Variants in ATG4D observed in about 807,000 individuals in gnomAD.
The protein encoded by ATG4D is cysteine protease ATG4D.
A neutral mutation model predicts 55.2 loss-of-function variants in ATG4D; 51 were observed. That is an observed-to-expected ratio of 0.92 (90% CI 0.74 to 1.17). ATG4D has a LOEUF of 1.17. ATG4D is among the 50% of genes most tolerant of loss of function. ATG4D has a pLI of 0.00. For synonymous variants in ATG4D, 268 were observed against 266.2 expected (o/e 1.01, Z -0.07); for missense variants, 635 against 649.6 (o/e 0.98, Z 0.25).
rs1174063699 is a variant in ATG4D, at chr19:10,552,911, G to A, written c.1269G>A (p.Glu423=). 1.2e-6 allele frequency: 2 copies of A among 1,612,712 alleles called. No individual in the cohort carries two copies. The highest frequency in any genetic ancestry group is 2.2e-5 in the East Asian group (1 of 44,862). Residue 423 remains glutamate, a synonymous_variant, in exon 10 of 10, where the codon GAG becomes GAA. Transcript: ENST00000309469. ...TRVLSSSSAT[E]RYPMFTLAEG... ...TCCTCAGCTCCTCCTCAGCCACAGA[G>A]CGGTACCCCATGTTCACCCTGGCCG...
intron 5 of ATG4D, 76 bp from the exon 6 acceptor site, chr19:10,548,828 G>A: frequency 6.4e-7 from 1 of 1,555,970 alleles, no homozygotes. Flanking sequence ...TTGAGGTTGA[G>A]CCCCTGGGGT....
Position 10,553,065 on chromosome 19 carries a change from T to C in ATG4D, c.1423T>C (p.Ter475GlnextTer71), listed in dbSNP as rs891147335. 3 of 1,596,354 alleles carry C rather than the reference T, an allele frequency of 1.9e-6. No homozygotes were observed. Among genetic ancestry groups the C allele is most frequent in the Non-Finnish European group, 2.6e-6 (3 of 1,172,288 alleles). Residue 475 changes from the stop codon to glutamine, a stop_lost, in exon 10 of 10, where the codon TAA becomes CAA. Transcript: ENST00000309469. ...RPSSEDFVFL[*>Q] ...CAGCTCTGAGGACTTTGTGTTTTTATAAAGGGAGGGGATGAGGGGAAAGAT... is the reference window on the plus strand; with the variant it reads ...CAGCTCTGAGGACTTTGTGTTTTTACAAAGGGAGGGGATGAGGGGAAAGAT...
chr19:10,546,643 C>T (rs898318348), intron 3 of ATG4D, among the ~76,000 whole-genome samples, 196 bp from the exon 4 acceptor site: 2 of 151,826 alleles, frequency 1.3e-5, no homozygotes, highest in Admixed American at 6.6e-5. Context: ...CATGAGCCAC[C>T]GCGTCTGGCT....
Position 10,545,140 on chromosome 19 carries a change from A to AG in ATG4D, c.493+16dup, listed in dbSNP as rs1369512912. 6.2e-7 allele frequency: 1 copy of AG among 1,605,980 alleles called. No individual in the cohort carries two copies. Among genetic ancestry groups the AG allele is most frequent in the African/African-American group, 1.3e-5 (1 of 74,928 alleles). Reference sequence around the variant, plus strand: ...CATTTCCTGCCCAGAGGTGAGCCATAGGGGGGAAGGGGTGCACTAGGAGTA... The same window carrying AG: ...CATTTCCTGCCCAGAGGTGAGCCATAGGGGGGGAAGGGGTGCACTAGGAGTA... On this transcript the variant is annotated intron_variant, in intron 3 of 9. Transcript: ENST00000309469.
At position 10,547,010 on chromosome 19, in the gene ATG4D, AC is replaced by A; in HGVS notation, c.670del (p.Arg224GlyfsTer28). On this transcript the variant is annotated frameshift_variant, in exon 4 of 10. Coordinates refer to ENST00000309469, the MANE Select transcript of ATG4D (RefSeq NM_032885.6). LOFTEE classifies it high-confidence loss of function. ...CAGATTGTGTCCTGGTTCGCCGACC[AC>A]CCCCGGGCCCCCTTTGGCCTACACC... Reference protein sequence around the residue: ...HRQIVSWFADHPRAPFGLHRL... With the variant: ...HRQIVSWFADXPRAPFGLHRL... 1 of 1,587,526 alleles carries A rather than the reference AC, an allele frequency of 6.3e-7. No individual in the cohort carries two copies.
rs2304165 is a variant in ATG4D, at chr19:10,548,983, C to T, written c.915C>T (p.Pro305=). 0.14 allele frequency: 226,408 copies of T among 1,613,798 alleles called. 16,451 individuals carry two copies. Among genetic ancestry groups the T allele is most frequent in the South Asian group, 0.18 (16,695 of 91,058 alleles). Residue 305 remains proline, a synonymous_variant, in exon 6 of 10, where the codon CCC becomes CCT. Coordinates refer to ENST00000309469, the MANE Select transcript of ATG4D (RefSeq NM_032885.6). ...AEWKSVVILV[P]VRLGGETLNP... is the part of the protein sequence containing the mutation. ...GGAAGTCTGTGGTCATCCTGGTGCCCGTGCGACTGGGTGGCGAGACTCTCA... is the reference window on the plus strand; with the variant it reads ...GGAAGTCTGTGGTCATCCTGGTGCCTGTGCGACTGGGTGGCGAGACTCTCA...
chr19:10,543,913 C>G lies in ATG4D; in HGVS notation c.-178C>G. The G allele has an allele frequency of 2.5e-6, 1 of 399,640 alleles. No individual in the cohort carries two copies. The highest frequency in any genetic ancestry group is 3.8e-5 in the East Asian group (1 of 26,044). 24.8% of individuals were successfully genotyped at this position (399,640 alleles called of 1,614,324 possible). A position where few individuals can be genotyped will look rare whatever the true frequency, so the allele number is the denominator to read the frequency against. Reference sequence around the variant, plus strand: ...CCCACCGTCATCCGGGGTCCTGGCCCGCTAAGATGGCGATGGCTGCGGTAG... The same window carrying G: ...CCCACCGTCATCCGGGGTCCTGGCCGGCTAAGATGGCGATGGCTGCGGTAG... On this transcript the variant is annotated 5_prime_UTR_variant, in exon 1 of 10. Coordinates refer to ENST00000309469, the MANE Select transcript of ATG4D (RefSeq NM_032885.6).
chr19:10,550,180 G>A (rs1198748625), intron 6 of ATG4D, among the ~76,000 whole-genome samples: 2 of 151,982 alleles, frequency 1.3e-5, no homozygotes, highest in African/African-American at 2.4e-5. Flanking sequence ...GCTAATTTTT[G>A]TATTTTTAGC....
intron 3 of ATG4D, among the ~76,000 whole-genome samples, chr19:10,546,307 G>A (rs1046203701): frequency 1.3e-5 from 2 of 152,038 alleles, no homozygotes; most frequent in African/African-American, 2.4e-5. Flanking sequence ...CTGGATGACA[G>A]TGAGATCCTG....
Position 10,551,727 on chromosome 19 carries a change from A to G in ATG4D, c.967-170A>G, listed in dbSNP as rs577553536. Among the ~76,000 whole-genome samples the G allele has an allele frequency of 6.9e-4, 104 of 150,554 alleles. 1 individual carries two copies. The South Asian group carries it at 0.022, about 31-fold the overall frequency. On this transcript the variant is annotated intron_variant, in intron 6 of 9. Coordinates refer to ENST00000309469, the MANE Select transcript of ATG4D (RefSeq NM_032885.6). ...AAAAAAAAAAAAAAAAAATTCATGTAATCATCTTCCTTGTTAGTCTCTCAC... is the reference window on the plus strand; with the variant it reads ...AAAAAAAAAAAAAAAAAATTCATGTGATCATCTTCCTTGTTAGTCTCTCAC...
In ATG4D at chr19:10,544,978, G is replaced by A. The variant is rs1458351034; in HGVS notation, c.341G>A (p.Arg114Gln). 6 of 1,594,558 alleles carry A rather than the reference G, an allele frequency of 3.8e-6. No homozygotes were observed. The highest frequency in any genetic ancestry group is 1.7e-5 in the Admixed American group (1 of 57,360). The change falls in exon 3 of 10, where the codon CGG (arginine) becomes CAG (glutamine). Residue 114 changes from arginine (R) to glutamine (Q), a missense_variant. Physicochemically the swap from Arg to Gln is conservative, Grantham distance 43 (BLOSUM62 1). Transcript: ENST00000309469. The stretch of plus-strand genomic sequence containing the variant: ...GTAGGTGACATACAGCGTTTCCAGC[G>A]GGACTTTGTGTCCCGCCTGTGGCTC... ...EGEGDIQRFQ[R>Q]DFVSRLWLTY... is the part of the protein sequence containing the mutation.
intron 9 of ATG4D, among the ~76,000 whole-genome samples, chr19:10,552,556 A>T (rs1359059527): frequency 1.3e-5 from 2 of 151,924 alleles, no homozygotes; most frequent in East Asian, 3.9e-4. Context: ...AGTGGTGGGA[A>T]CCCTCCCTGT....
In ATG4D at chr19:10,544,097, TCA is replaced by T. The variant is rs1915952423; in HGVS notation, c.8_9del (p.Ser3CysfsTer55). 1.6e-6 allele frequency: 2 copies of T among 1,239,662 alleles called. No homozygotes were observed. Among genetic ancestry groups the T allele is most frequent in the Non-Finnish European group, 1.0e-6 (1 of 985,172 alleles). The allele number at this position is 1,239,662 out of a possible 1,614,324, so 76.8% of individuals were successfully genotyped here. Reference protein sequence around the residue: MNSVSPAAAQYRS... With the variant: MNXVSPAAAQYRS... ...CCGCCCTCCCGGCGCGTCCATGAAC[TCA>T]GTGTCGCCGGCCGCCGCGCAGTACC... On this transcript the variant is annotated frameshift_variant, in exon 1 of 10. Coordinates refer to ENST00000309469, the MANE Select transcript of ATG4D (RefSeq NM_032885.6). LOFTEE classifies it high-confidence loss of function.
At position 10,551,952 on chromosome 19, in the gene ATG4D, C is replaced by G; in HGVS notation, c.1022C>G (p.Ser341Ter). 3 of 1,613,692 alleles carry G rather than the reference C, an allele frequency of 1.9e-6. No individual in the cohort carries two copies. Among genetic ancestry groups the G allele is most frequent in the Admixed American group, 3.3e-5 (2 of 59,972 alleles). ...ATCATGGGTGGGAAACCGCGACACT[C>G]ACTGTACTTCATTGGCTACCAAGGT... ...LGIMGGKPRH[S>*]LYFIGYQDDF... The change falls in exon 7 of 10, where the codon TCA becomes TGA. Residue 341 changes from serine to a stop codon, truncating the protein, a stop_gained. Transcript: ENST00000309469. LOFTEE classifies it high-confidence loss of function.
Position 10,544,123 on chromosome 19 carries a change from C to A in ATG4D, c.33C>A (p.Tyr11Ter). 1.6e-6 allele frequency: 2 copies of A among 1,243,180 alleles called. No individual in the cohort carries two copies. Among genetic ancestry groups the A allele is most frequent in the Non-Finnish European group, 2.0e-6 (2 of 986,394 alleles). The allele number at this position is 1,243,180 out of a possible 1,614,324, so 77.0% of individuals were successfully genotyped here. ...CAGTGTCGCCGGCCGCCGCGCAGTA[C>A]CGGAGCAGCAGCCCGGAGGACGCGC... is the stretch of plus-strand genomic sequence containing the variant. MNSVSPAAAQ[Y>*]RSSSPEDARR... Residue 11 changes from tyrosine (Y) to a stop codon, truncating the protein, a stop_gained, in exon 1 of 10, where the codon TAC (tyrosine) becomes TAA (stop). Transcript: ENST00000309469. LOFTEE classifies it high-confidence loss of function.
At chr19:10,549,739 T>C (rs1916163812) in intron 6 of ATG4D, among the ~76,000 whole-genome samples, 2 of 151,670 alleles carry the variant, frequency 1.3e-5, no homozygotes, top group East Asian at 2.0e-4. Flanking sequence ...TTTTTTATAC[T>C]ATGCAGCACC....
Position 10,553,095 on chromosome 19 carries a change from C to T in ATG4D, c.*28C>T, listed in dbSNP as rs769969921. ...GGAGGGGATGAGGGGAAAGATACAA[C>T]ACTATTTATTTTTTTATTTATGTCA... On this transcript the variant is annotated 3_prime_UTR_variant, in exon 10 of 10. Transcript: ENST00000309469. The T allele has an allele frequency of 6.4e-7, 1 of 1,563,800 alleles. No individual in the cohort carries two copies. The highest frequency in any genetic ancestry group is 8.7e-7 in the Non-Finnish European group (1 of 1,155,944).
chr19:10,545,025 C>G lies in ATG4D; in HGVS notation c.388C>G (p.Pro130Ala), dbSNP rs777683678. The G allele has an allele frequency of 1.2e-6, 2 of 1,611,904 alleles. No homozygotes were observed. The highest frequency in any genetic ancestry group is 2.2e-5 in the South Asian group (2 of 90,960). The change falls in exon 3 of 10, where the codon CCC (proline) becomes GCC (alanine). Residue 130 changes from proline (P) to alanine (A), a missense_variant. Transcript: ENST00000309469. ...GCTCACATACCGCCGGGACTTCCCGCCCCTTCCTGGGGGCTGCCTGACCTC... is the reference window on the plus strand; with the variant it reads ...GCTCACATACCGCCGGGACTTCCCGGCCCTTCCTGGGGGCTGCCTGACCTC... ...LWLTYRRDFP[P>A]LPGGCLTSDC...
At chr19:10,551,800 T>C (rs2082554951) in intron 6 of ATG4D, 97 bp from the exon 7 acceptor site, 1 of 1,132,996 alleles carries the variant, frequency 8.8e-7, no homozygotes, top group Admixed American at 1.9e-5. Context: ...TCTTGATCAC[T>C]GCTGCCCTCC....
Sources: allele counts gnomAD v4.1 joint callset (sites outside exome capture counted in the v4.1 genomes callset), GRCh38; gene constraint gnomAD v4.1.1; transcripts MANE v1.5; gene names NCBI Gene and HGNC (gene_info 2026-07-23, HGNC 2026-07-21).